The following CELSR2 variants were observed in gnomAD, a reference collection of about 807,000 sequenced individuals.
CELSR2 encodes the protein EGF-like protein 2.
Under a neutral mutation model 251.6 loss-of-function variants are expected in CELSR2, and 81 were observed. The observed-to-expected ratio is 0.32, with a 90% CI of 0.27 to 0.39. The LOEUF (loss-of-function observed/expected upper bound fraction) is 0.39. Ranked by LOEUF, CELSR2 falls within the 10% of genes least tolerant of loss-of-function variation. CELSR2 has a pLI of 1.00. For synonymous variants in CELSR2, 1,721 were observed against 1,670.5 expected, an observed-to-expected ratio of 1.03 and a Z score of -0.74; for missense variants, 3,365 against 3,947.7, an observed-to-expected ratio of 0.85 and a Z score of 3.96.
chr1:109,262,645 GA>G (rs1417651505), intron 6 of CELSR2, among the ~76,000 whole-genome samples, 160 bp from the exon 7 acceptor site: 1 of 152,218 alleles, frequency 6.6e-6, no homozygotes, highest in Non-Finnish European at 1.5e-5. Flanking sequence ...TGTTCGACAA[GA>G]ACAGTTCCAG....
At chr1:109,272,808 C>G (rs202181131) in intron 30 of CELSR2, 25 bp from the exon 31 acceptor site, 3 of 1,612,942 alleles carry the variant, frequency 1.9e-6, no homozygotes. Flanking sequence ...GCTGGGCTGG[C>G]TGTGATCTCT....
chr1:109,275,382 G>C lies in CELSR2; in HGVS notation c.*1333G>C, dbSNP rs1295436923. 6.6e-6 allele frequency: 1 copy of C among 152,134 alleles called. No individual in the cohort carries two copies. The highest frequency in any genetic ancestry group is 2.4e-5 in the African/African-American group (1 of 41,412). The allele number at this position is 152,134 out of a possible 1,614,324, so 9.4% of individuals were successfully genotyped here. ...CAGTTTTGCCGACTGCTTTTCATCT[G>C]AGTCACCATTTACTCCAAGCATGTA... On this transcript the variant is annotated 3_prime_UTR_variant, in exon 34 of 34. Transcript: ENST00000271332.
chr1:109,256,581 C>T (rs939830531), intron 1 of CELSR2, among the ~76,000 whole-genome samples: 1 of 152,304 alleles, frequency 6.6e-6, no homozygotes, highest in South Asian at 2.1e-4. Context: ...TGGGCTCCTG[C>T]CCCGTTACTG....
At chr1:109,259,888 G>A (rs2101249861) in intron 2 of CELSR2, among the ~76,000 whole-genome samples, 1 of 152,182 alleles carries the variant, frequency 6.6e-6, no homozygotes. Flanking sequence ...TCTGCTCTAT[G>A]CTCCTGACCC....
At position 109,274,057 on chromosome 1, in the gene CELSR2, C is replaced by T; in HGVS notation, c.*8C>T. The T allele has an allele frequency of 6.2e-7, 1 of 1,614,130 alleles. No homozygotes were observed. The highest frequency in any genetic ancestry group is 1.1e-5 in the South Asian group (1 of 91,084). ...TTTAACTTCCTGCATTAACCCTGGG[C>T]CGTGGTTCCTACGCCCGAGGCTCCC... On this transcript the variant is annotated 3_prime_UTR_variant, in exon 34 of 34. Coordinates refer to ENST00000271332, the MANE Select transcript of CELSR2 (RefSeq NM_001408.3).
At chr1:109,260,953 C>T in intron 2 of CELSR2, 89 bp from the exon 3 acceptor site, 4 of 972,754 alleles carry the variant, frequency 4.1e-6, no homozygotes, top group Non-Finnish European at 6.3e-6. Flanking sequence ...TCACGGGAGG[C>T]CATGGGAGCT....
rs1656503248 is a variant in CELSR2 at position 109,275,420 on chromosome 1, C to T, written c.*1371C>T. ...CTCCAAGCATGTATTCCAGACTTGT[C>T]ACTGACTTTCCTTCTGGAGCAGGTG... On this transcript the variant is annotated 3_prime_UTR_variant, in exon 34 of 34. Coordinates refer to ENST00000271332, the MANE Select transcript of CELSR2 (RefSeq NM_001408.3). 6.6e-6 allele frequency: 1 copy of T among 152,208 alleles called. No individual in the cohort carries two copies. Among genetic ancestry groups the T allele is most frequent in the Non-Finnish European group, 1.5e-5 (1 of 68,046 alleles). 9.4% of individuals were successfully genotyped at this position (152,208 alleles called of 1,614,324 possible).
intron 24 of CELSR2, 155 bp downstream of exon 24, chr1:109,270,755 C>T: frequency 2.8e-6 from 3 of 1,076,642 alleles, no homozygotes; most frequent in Non-Finnish European, 4.0e-6. Flanking sequence ...CCAGACTCTG[C>T]AGCCGCCACC....
chr1:109,271,241 G>A lies in CELSR2; in HGVS notation c.7621G>A (p.Ala2541Thr). ...GATGAGTGTCTTCCTGTACATCCTGGCGGCCCGGGCCTCCTGTGCTGCCCA... is the reference window on the plus strand; with the variant it reads ...GATGAGTGTCTTCCTGTACATCCTGACGGCCCGGGCCTCCTGTGCTGCCCA... ...VSMSVFLYIL[A>T]ARASCAAQRQ... is the part of the protein sequence containing the mutation. Residue 2541 changes from alanine to threonine, a missense_variant, in exon 26 of 34, where the codon GCG becomes ACG. By Grantham distance (58) the Ala-to-Thr change is moderately conservative. Around this residue, in one of 5 missense-constraint regions of CELSR2, gnomAD observed 2,093 missense variants for 2,382.8 expected, o/e 0.88. Coordinates refer to ENST00000271332, the MANE Select transcript of CELSR2 (RefSeq NM_001408.3). 1 of 1,614,030 alleles carries A rather than the reference G, an allele frequency of 6.2e-7. No homozygotes were observed. Among genetic ancestry groups the A allele is most frequent in the Non-Finnish European group, 8.5e-7 (1 of 1,180,006 alleles).
In CELSR2 at chr1:109,250,370, C is replaced by G; in HGVS notation, c.291C>G (p.Ser97=). 2 of 1,613,516 alleles carry G rather than the reference C, an allele frequency of 1.2e-6. No homozygotes were observed. Among genetic ancestry groups the G allele is most frequent in the Non-Finnish European group, 1.7e-6 (2 of 1,180,020 alleles). ...GCCTGAGGGTTTGGTGTCCAGAATC[C>G]GAGGCCCATATTCCCCTACCACCAG... ...HDGLRVWCPE[S]EAHIPLPPAP... is the part of the protein sequence containing the mutation. Residue 97 remains serine (S), a synonymous_variant, in exon 1 of 34, where the codon TCC becomes TCG. Transcript: ENST00000271332. The surrounding 1 kb of genome is among the most constrained non-coding windows in gnomAD (Gnocchi z 4.4).
At chr1:109,266,483 C>T (rs1054477298) in intron 15 of CELSR2, 95 of 324,876 alleles carry the variant, frequency 2.9e-4, no homozygotes, top group African/African-American at 6.7e-4. Context: ...GCGTGATCTC[C>T]GCTCGCTGCA....
chr1:109,250,343 T>G lies in CELSR2; in HGVS notation c.264T>G (p.Asp88Glu). 6.2e-7 allele frequency: 1 copy of G among 1,613,544 alleles called. No homozygotes were observed. The highest frequency in any genetic ancestry group is 8.5e-7 in the Non-Finnish European group (1 of 1,180,018). ...CTGGCCACCTGGTACCCCACCACGA[T>G]GGCCTGAGGGTTTGGTGTCCAGAAT... ...ELTGHLVPHH[D>E]GLRVWCPESE... The change falls in exon 1 of 34, where the codon GAT becomes GAG. Residue 88 changes from aspartate (D) to glutamate (E), a missense_variant. Transcript: ENST00000271332. This position sits in a 1 kb window ranked among gnomAD's most constrained non-coding sequence, Gnocchi z 4.4.
chr1:109,260,660 G>C (rs1424640799), intron 2 of CELSR2, among the ~76,000 whole-genome samples: 1 of 152,176 alleles, frequency 6.6e-6, no homozygotes, highest in Non-Finnish European at 1.5e-5. Flanking sequence ...TGGGGGCCAG[G>C]ACACCCCCAG....
Position 109,251,155 on chromosome 1 carries a change from A to G in CELSR2, c.1076A>G (p.Glu359Gly). ...ACCCGTGGCCCTGTGGATCGGGAAG[A>G]GGTGGAATCCTACCAGCTGACGGTA... ...IRTRGPVDREEVESYQLTVEA... is the reference protein window; with the variant it reads ...IRTRGPVDREGVESYQLTVEA... The change falls in exon 1 of 34, where the codon GAG (glutamate) becomes GGG (glycine). Residue 359 changes from glutamate (E) to glycine (G), a missense_variant. Physicochemically the swap from Glu to Gly is moderately conservative, Grantham distance 98. Coordinates refer to ENST00000271332, the MANE Select transcript of CELSR2 (RefSeq NM_001408.3). The surrounding 1 kb of genome is among the most constrained non-coding windows in gnomAD (Gnocchi z 4.9). The G allele has an allele frequency of 6.2e-7, 1 of 1,613,298 alleles. No individual in the cohort carries two copies. Among genetic ancestry groups the G allele is most frequent in the Non-Finnish European group, 8.5e-7 (1 of 1,179,988 alleles).
At chr1:109,258,406 G>A in intron 1 of CELSR2, 26 bp from the exon 2 acceptor site, 1 of 1,519,060 alleles carries the variant, frequency 6.6e-7, no homozygotes, top group Non-Finnish European at 8.9e-7. Flanking sequence ...CCCCAGGCTG[G>A]GTCCTGACTG....
In CELSR2 at chr1:109,273,425, C is replaced by G. The variant is rs1178451198; in HGVS notation, c.8510-11C>G. ...TGTGGCCGCACCTCACAGCCCCGCC[C>G]CGGCCCACAGGCATCCTTAAGAAGA... On this transcript the variant is annotated splice_polypyrimidine_tract_variant and intron_variant, in intron 32 of 33. Transcript: ENST00000271332. 1.2e-6 allele frequency: 2 copies of G among 1,610,082 alleles called. No homozygotes were observed. Among genetic ancestry groups the G allele is most frequent in the Non-Finnish European group, 1.7e-6 (2 of 1,178,284 alleles).
In CELSR2 at chr1:109,251,749, A is replaced by G. The variant is rs1056225713; in HGVS notation, c.1670A>G (p.Asn557Ser). 2 of 1,614,008 alleles carry G rather than the reference A, an allele frequency of 1.2e-6. No individual in the cohort carries two copies. Among genetic ancestry groups the G allele is most frequent in the Non-Finnish European group, 8.5e-7 (1 of 1,179,996 alleles). ...VGHDFPFTIN[N>S]GTGWISVAAE... ...CATGACTTCCCCTTCACCATCAACA[A>G]TGGCACAGGCTGGATCTCTGTGGCT... Residue 557 changes from asparagine (N) to serine (S), a missense_variant, in exon 1 of 34, where the codon AAT (asparagine) becomes AGT (serine). This residue lies in a region of CELSR2 where 704 missense variants were observed against 784.1 expected (regional missense o/e 0.90). Coordinates refer to ENST00000271332, the MANE Select transcript of CELSR2 (RefSeq NM_001408.3). This position sits in a 1 kb window ranked among gnomAD's most constrained non-coding sequence, Gnocchi z 4.9.
At position 109,265,592 on chromosome 1, in the gene CELSR2, T is replaced by C. The variant is rs1451831198; in HGVS notation, c.5728-143T>C. ...GCTGATGGGCTCAACTCCAAAGCAT[T>C]GCTAGTGTTAATTATTTTGAATACT... On this transcript the variant is annotated intron_variant, in intron 13 of 33. Coordinates refer to ENST00000271332, the MANE Select transcript of CELSR2 (RefSeq NM_001408.3). 1.2e-5 allele frequency: 12 copies of C among 1,015,974 alleles called. 1 individual carries two copies. The highest frequency in any genetic ancestry group is 1.7e-5 in the Non-Finnish European group (12 of 705,346). 62.9% of individuals were successfully genotyped at this position (1,015,974 alleles called of 1,614,324 possible).
chr1:109,272,352 C>T lies in CELSR2; in HGVS notation c.8001C>T (p.His2667=), dbSNP rs1171507192. The change falls in exon 29 of 34, where the codon CAC becomes CAT. Residue 2667 remains histidine, a synonymous_variant. Coordinates refer to ENST00000271332, the MANE Select transcript of CELSR2 (RefSeq NM_001408.3). ...ACGGAGACTCGGCCGGCTCTCTGCA[C>T]AGCACCAGTCGCTCGGGCAAGAGTC... ...QPYGDSAGSL[H]STSRSGKSQP... is the part of the protein sequence containing the mutation. 6.2e-7 allele frequency: 1 copy of T among 1,612,576 alleles called. No individual in the cohort carries two copies. Among genetic ancestry groups the T allele is most frequent in the Non-Finnish European group, 8.5e-7 (1 of 1,179,064 alleles).
Sources: allele counts gnomAD v4.1 joint callset (sites outside exome capture counted in the v4.1 genomes callset), GRCh38; gene constraint gnomAD v4.1.1; regional missense constraint gnomAD v4.1.1; non-coding constraint Gnocchi (gnomAD v3.1); transcripts MANE v1.5; gene names NCBI Gene and HGNC (gene_info 2026-07-23, HGNC 2026-07-21).